The following IL5 variants were observed in gnomAD, a reference collection of about 807,000 sequenced individuals.
The protein encoded by IL5 is interleukin-5.
Under a neutral mutation model 16.3 loss-of-function variants are expected in IL5, and 12 were observed. The ratio of observed to expected loss-of-function variants is 0.74; its 90% CI spans 0.47 to 1.20. IL5 has a LOEUF of 1.20. IL5 is among the 50% of genes most tolerant of loss of function. The pLI, the probability that IL5 is intolerant of heterozygous loss-of-function variation, is 0.00. For synonymous variants in IL5, 54 were observed against 56.6 expected, an observed-to-expected ratio of 0.95 and a Z score of 0.21; for missense variants, 159 against 153.9, an observed-to-expected ratio of 1.03 and a Z score of -0.17.
chr5:132,547,062 A>G (rs1212254117), upstream of IL5, among the ~76,000 whole-genome samples: 1 of 152,166 alleles, frequency 6.6e-6, no homozygotes, highest in Non-Finnish European at 1.5e-5. Flanking sequence ...CAAAACTCCA[A>G]ATAAAAGTTA....
upstream of IL5, among the ~76,000 whole-genome samples, chr5:132,546,537 ATCCATGGTCTG>A (rs1749790515): frequency 6.6e-6 from 1 of 152,176 alleles, no homozygotes; most frequent in South Asian, 2.1e-4. Flanking sequence ...TGTTTTGTTT[ATCCATGGTCTG>A]TCGATGGACA....
upstream of IL5, chr5:132,543,641 C>A: frequency 2.1e-6 from 1 of 484,082 alleles, no homozygotes; most frequent in Non-Finnish European, 3.4e-6. Context: ...GTTTCCAATG[C>A]CTTATATCTT....
At chr5:132,547,654 G>T (rs1749814584), upstream of IL5, among the ~76,000 whole-genome samples, 1 of 152,200 alleles carries the variant, frequency 6.6e-6, no homozygotes, top group South Asian at 2.1e-4. Context: ...CCTTAGTTGT[G>T]ACAATTGTAC....
intron 1 of IL5, among the ~76,000 whole-genome samples, chr5:132,554,226 G>A (rs577771410): frequency 6.6e-6 from 1 of 152,058 alleles, no homozygotes; most frequent in East Asian, 1.9e-4. Context: ...AATTAGCCAG[G>A]TGTGGTGCCA....
intron 2 of IL5, among the ~76,000 whole-genome samples, chr5:132,542,829 G>A (rs1269847636): frequency 6.6e-6 from 1 of 152,148 alleles, no homozygotes; most frequent in Non-Finnish European, 1.5e-5. Context: ...ACTCAGTGTG[G>A]AATCCTTCTG....
upstream of IL5, among the ~76,000 whole-genome samples, chr5:132,547,790 C>T (rs534922848): frequency 1.3e-5 from 2 of 152,030 alleles, no homozygotes; most frequent in Non-Finnish European, 2.9e-5. Context: ...AATACTGCGG[C>T]GAGGCATGAT....
chr5:132,551,333 T>C (rs148930024), intron 1 of IL5, among the ~76,000 whole-genome samples: 29 of 152,222 alleles, frequency 1.9e-4, no homozygotes, highest in African/African-American at 7.0e-4. Flanking sequence ...CATAGGAAGT[T>C]TGGATGCAAA....
chr5:132,556,578 G>T, intron 1 of IL5: 1 of 706,172 alleles, frequency 1.4e-6, no homozygotes, highest in Non-Finnish European at 1.9e-6. Context: ...CCACTGCAAT[G>T]GCGTCATCAC....
At chr5:132,548,903 T>C (rs1162979115) in intron 1 of IL5, among the ~76,000 whole-genome samples, 1 of 152,240 alleles carries the variant, frequency 6.6e-6, no homozygotes, top group Non-Finnish European at 1.5e-5. Flanking sequence ...GATATTTTTG[T>C]GGCCAGAAAT....
chr5:132,542,156 A>T lies in IL5; in HGVS notation c.178-13T>A, dbSNP rs925550685. ...TGCACAGTTGGTGCTAAATGAGGAA[A>T]ATTTTTAAAATGCAAATAATCAAGA... is the stretch of plus-strand genomic sequence containing the variant. On this transcript the variant is annotated splice_polypyrimidine_tract_variant and intron_variant, in intron 2 of 3. Transcript: ENST00000231454. The T allele has an allele frequency of 1.3e-6, 2 of 1,598,412 alleles. No individual in the cohort carries two copies. Among genetic ancestry groups the T allele is most frequent in the African/African-American group, 1.4e-5 (1 of 73,980 alleles).
At chr5:132,546,665 T>C (rs551550715), upstream of IL5, among the ~76,000 whole-genome samples, 1 of 152,294 alleles carries the variant, frequency 6.6e-6, no homozygotes, top group African/African-American at 2.4e-5. Context: ...TTTTCCTCTA[T>C]AAGTGTGATC....
chr5:132,545,734 C>A (rs1445791062), upstream of IL5, among the ~76,000 whole-genome samples: 1 of 152,098 alleles, frequency 6.6e-6, no homozygotes, highest in Non-Finnish European at 1.5e-5. Flanking sequence ...CTCACATTAC[C>A]CGATCATTCT....
At chr5:132,554,386 A>C (rs1749938523) in intron 1 of IL5, among the ~76,000 whole-genome samples, 1 of 131,896 alleles carries the variant, frequency 7.6e-6, no homozygotes, top group Admixed American at 7.8e-5. Context: ...AAAAAAAAAA[A>C]AGTCTCCACT....
chr5:132,555,964 G>A (rs1749975882), intron 1 of IL5: 1 of 128,422 alleles, frequency 7.8e-6, no homozygotes, highest in African/African-American at 2.8e-5. Context: ...TAACTATTTT[G>A]TAATAACTGA....
chr5:132,550,623 G>GAA (rs5871457), intron 1 of IL5, among the ~76,000 whole-genome samples: 1 of 152,030 alleles, frequency 6.6e-6, no homozygotes, highest in Non-Finnish European at 1.5e-5. Context: ...CGCCTGGCCA[G>GAA]AAAAAATAAC....
upstream of IL5, among the ~76,000 whole-genome samples, chr5:132,546,967 A>G (rs1749805180): frequency 6.6e-6 from 1 of 152,220 alleles, no homozygotes; most frequent in East Asian, 1.9e-4. Flanking sequence ...TGGATGTTGC[A>G]GTGAGCTGAG....
At chr5:132,544,364 G>A (rs1251474936), upstream of IL5, among the ~76,000 whole-genome samples, 1 of 152,200 alleles carries the variant, frequency 6.6e-6, no homozygotes, top group Non-Finnish European at 1.5e-5. Context: ...AGTATATACT[G>A]ATTGGCTCTC....
At chr5:132,548,717 G>A (rs1247845834) in intron 1 of IL5, among the ~76,000 whole-genome samples, 1 of 152,186 alleles carries the variant, frequency 6.6e-6, no homozygotes, top group Non-Finnish European at 1.5e-5. Context: ...CAGGATTGGT[G>A]CTCACCTTGT....
chr5:132,544,091 T>C (rs2069814), upstream of IL5, among the ~76,000 whole-genome samples: 2 of 152,214 alleles, frequency 1.3e-5, no homozygotes, highest in Non-Finnish European at 2.9e-5. Flanking sequence ...GGGAAGGTAT[T>C]GGCTCATAGA....
Sources: allele counts gnomAD v4.1 joint callset (sites outside exome capture counted in the v4.1 genomes callset), GRCh38; gene constraint gnomAD v4.1.1; transcripts MANE v1.5; gene names NCBI Gene and HGNC (gene_info 2026-07-23, HGNC 2026-07-21).